The following ARHGAP6 variants were observed in gnomAD, a reference collection of about 807,000 sequenced individuals.
ARHGAP6 encodes rho GTPase-activating protein 6.
ARHGAP6 carries 16 observed loss-of-function variants against 55.7 expected under a neutral mutation model. That is an observed-to-expected ratio of 0.29 (90% CI 0.19 to 0.44). The LOEUF is 0.44. Among genes scored for constraint, ARHGAP6 ranks in the 20% least tolerant of loss-of-function variants. ARHGAP6 has a pLI of 1.00. For synonymous variants in ARHGAP6, 382 were observed against 360.9 expected (o/e 1.06, Z -0.66); for missense variants, 698 against 808.9 (o/e 0.86, Z 1.66).
At chrX:11,496,491 CAA>C (rs1274528334) in intron 1 of ARHGAP6, among the ~76,000 whole-genome samples, 1 of 111,720 alleles carries the variant, frequency 9.0e-6, no homozygotes, top group Admixed American at 9.5e-5. Flanking sequence ...GGGACATTCA[CAA>C]AATTATCAAG....
intron 1 of ARHGAP6, among the ~76,000 whole-genome samples, chrX:11,525,176 AG>A (rs1285075901): frequency 4.5e-5 from 5 of 111,760 alleles, no homozygotes; most frequent in African/African-American, 1.6e-4. Flanking sequence ...AGATGTTTAG[AG>A]GCATCCCTAT....
chrX:11,488,816 T>C (rs1273850874), intron 1 of ARHGAP6, among the ~76,000 whole-genome samples: 2 of 110,721 alleles, frequency 1.8e-5, no homozygotes, highest in Non-Finnish European at 3.8e-5. Flanking sequence ...CCTGAAACCA[T>C]CCCCCCCACA....
intron 1 of ARHGAP6, among the ~76,000 whole-genome samples, chrX:11,281,314 A>T (rs2047852281): frequency 9.0e-6 from 1 of 111,228 alleles, no homozygotes; most frequent in Non-Finnish European, 1.9e-5. Context: ...CTGGTCAGGG[A>T]TGGTTCTCCA....
chrX:11,220,062 T>A (rs1290487619), intron 2 of ARHGAP6, among the ~76,000 whole-genome samples: 3 of 105,509 alleles, frequency 2.8e-5, no homozygotes, highest in Non-Finnish European at 5.8e-5. Flanking sequence ...AATTGATTTT[T>A]GTATAAGGTG....
At chrX:11,256,030 C>T (rs768584982) in intron 1 of ARHGAP6, among the ~76,000 whole-genome samples, 3 of 111,768 alleles carry the variant, frequency 2.7e-5, no homozygotes, top group Non-Finnish European at 5.7e-5. Flanking sequence ...GAGGTACTGG[C>T]CCACGCAGGG....
chrX:11,277,710 T>A (rs35237081), intron 1 of ARHGAP6, among the ~76,000 whole-genome samples: 27,169 of 107,790 alleles, frequency 0.25, 3,243 homozygotes, highest in Non-Finnish European at 0.38. Flanking sequence ...TTTTTTTTTT[T>A]AAAAAAAAAT....
intron 1 of ARHGAP6, among the ~76,000 whole-genome samples, chrX:11,268,043 C>T (rs2047649737): frequency 8.9e-6 from 1 of 111,916 alleles, no homozygotes; most frequent in Non-Finnish European, 1.9e-5. Context: ...TTTAACCCTC[C>T]ATATCTAAGC....
intron 1 of ARHGAP6, among the ~76,000 whole-genome samples, chrX:11,545,872 T>C (rs370249661): frequency 4.5e-5 from 5 of 111,685 alleles, no homozygotes; most frequent in African/African-American, 1.6e-4. Context: ...AAAATAATTA[T>C]GGATCATGTT....
chrX:11,570,479 G>A (rs982353896), intron 1 of ARHGAP6, among the ~76,000 whole-genome samples: 1 of 111,151 alleles, frequency 9.0e-6, no homozygotes, highest in Non-Finnish European at 1.9e-5. Context: ...GATAGTAGTG[G>A]GGGTGGTTAG....
chrX:11,382,062 T>G (rs1441754181), intron 1 of ARHGAP6, among the ~76,000 whole-genome samples: 1 of 111,477 alleles, frequency 9.0e-6, no homozygotes, highest in Non-Finnish European at 1.9e-5. Context: ...ACAGTGGTGG[T>G]GATTGTAATG....
intron 1 of ARHGAP6, among the ~76,000 whole-genome samples, chrX:11,295,465 TA>T (rs1485786186): frequency 1.8e-5 from 2 of 111,531 alleles, no homozygotes; most frequent in African/African-American, 6.5e-5. Flanking sequence ...TCAAATGTAT[TA>T]AAGATCAGGA....
At chrX:11,593,589 G>C (rs192050581) in intron 1 of ARHGAP6, among the ~76,000 whole-genome samples, 2 of 111,936 alleles carry the variant, frequency 1.8e-5, no homozygotes, top group Admixed American at 1.9e-4. Flanking sequence ...TAGACTTTGG[G>C]TGATAAAGAT....
intron 1 of ARHGAP6, among the ~76,000 whole-genome samples, chrX:11,488,884 T>C (rs1237749657): frequency 9.0e-6 from 1 of 111,611 alleles, no homozygotes; most frequent in Non-Finnish European, 1.9e-5. Flanking sequence ...CCAAAAAGGT[T>C]GGGGACCGCT....
intron 1 of ARHGAP6, among the ~76,000 whole-genome samples, chrX:11,285,589 C>T (rs1414959035): frequency 8.9e-6 from 1 of 111,967 alleles, no homozygotes; most frequent in East Asian, 2.8e-4. Flanking sequence ...GTCAAGGCTG[C>T]GCAGTCTAAG....
In ARHGAP6 at chrX:11,138,849, G is replaced by A. The variant is rs1367643296; in HGVS notation, c.*14C>T. On this transcript the variant is annotated 3_prime_UTR_variant, in exon 13 of 13. Coordinates refer to ENST00000337414, the MANE Select transcript of ARHGAP6 (RefSeq NM_013427.3). ...GGGGGGCTCGGGGCAGGGGGGGCTCGGCTGGGTGCGGGCTCAGACCAGCGT... is the reference window on the plus strand; with the variant it reads ...GGGGGGCTCGGGGCAGGGGGGGCTCAGCTGGGTGCGGGCTCAGACCAGCGT... 6.8e-6 allele frequency: 8 copies of A among 1,170,317 alleles called. No homozygotes were observed. The highest frequency in any genetic ancestry group is 2.4e-5 in the Admixed American group (1 of 41,859).
chrX:11,607,432 G>A (rs988404223), intron 1 of ARHGAP6, among the ~76,000 whole-genome samples: 8 of 111,808 alleles, frequency 7.2e-5, no homozygotes, highest in Non-Finnish European at 1.1e-4. Context: ...GATCCCTGGT[G>A]GTGATTACAG....
chrX:11,624,795 C>G (rs2052275532), intron 1 of ARHGAP6, among the ~76,000 whole-genome samples: 2 of 111,746 alleles, frequency 1.8e-5, no homozygotes, highest in Non-Finnish European at 1.9e-5. Flanking sequence ...TCGTGATCCA[C>G]CCGCCTCAGC....
intron 1 of ARHGAP6, among the ~76,000 whole-genome samples, chrX:11,461,659 A>G (rs920600583): frequency 2.7e-5 from 3 of 112,341 alleles, no homozygotes; most frequent in Non-Finnish European, 3.8e-5. Context: ...TGACCATCAC[A>G]ACGAAGCTTT....
intron 2 of ARHGAP6, among the ~76,000 whole-genome samples, chrX:11,245,807 G>C (rs747806230): frequency 8.9e-6 from 1 of 112,066 alleles, no homozygotes; most frequent in Non-Finnish European, 1.9e-5. Flanking sequence ...CTGCAGATAG[G>C]TTGTGGACAA....
Sources: allele counts gnomAD v4.1 joint callset (sites outside exome capture counted in the v4.1 genomes callset), GRCh38; gene constraint gnomAD v4.1.1; transcripts MANE v1.5; gene names NCBI Gene and HGNC (gene_info 2026-07-23, HGNC 2026-07-21).